Variants in PRDM11 observed in about 807,000 individuals in gnomAD.
The protein encoded by PRDM11 is PR domain-containing protein 11.
PRDM11 carries 20 observed loss-of-function variants against 97.8 expected under a neutral mutation model. The observed-to-expected ratio is 0.20, with a 90% CI of 0.14 to 0.30. The LOEUF is 0.30. Among genes scored for constraint, PRDM11 ranks in the 10% least tolerant of loss-of-function variants. The probability of loss-of-function intolerance (pLI) is 1.00; values close to 1 mark genes in which losing one functional copy is unlikely to be tolerated. For missense variants in PRDM11, 1,139 were observed against 1,555.2 expected (o/e 0.73, Z 4.50); for synonymous variants, 599 against 637.7 (o/e 0.94, Z 0.91).
Position 45,174,916 on chromosome 11 carries a change from G to C in PRDM11, c.-6-6845G>C, listed in dbSNP as rs1156291060. Among the ~76,000 whole-genome samples the C allele has an allele frequency of 2.0e-5, 3 of 152,080 alleles. No homozygotes were observed. The East Asian group carries it at 5.8e-4, about 29-fold the overall frequency. ...TTATTTTGTACACCTGTGTAGTGTGGGAAATTAAAAGTGTTTTAATGGAAT... is the reference window on the plus strand; with the variant it reads ...TTATTTTGTACACCTGTGTAGTGTGCGAAATTAAAAGTGTTTTAATGGAAT... On this transcript the variant is annotated intron_variant, in intron 1 of 7. Transcript: ENST00000683152.
Position 45,224,841 on chromosome 11 carries a change from C to A in PRDM11, c.1367C>A (p.Ala456Glu). Residue 456 changes from alanine (A) to glutamate (E), a missense_variant and splice_region_variant, in exon 7 of 8, where the codon GCA (alanine) becomes GAA (glutamate). Physicochemically the swap from Ala to Glu is moderately radical, Grantham distance 107. Transcript: ENST00000683152. ...VLELPEFSDP[A>E]ASESMVSGPA... ...GAGCTCCCAGAGTTCTCGGACCCTG[C>A]AGGTAAGTTGGTTTGGATGAGATTA... 2 of 1,613,644 alleles carry A rather than the reference C, an allele frequency of 1.2e-6. No homozygotes were observed. Among genetic ancestry groups the A allele is most frequent in the Non-Finnish European group, 8.5e-7 (1 of 1,180,022 alleles).
chr11:45,113,666 C>T (rs1189725976), intron 1 of PRDM11, among the ~76,000 whole-genome samples: 5 of 151,930 alleles, frequency 3.3e-5, no homozygotes, highest in African/African-American at 4.8e-5. Context: ...TCTTTCACCT[C>T]TTTGGTTAAG....
intron 1 of PRDM11, among the ~76,000 whole-genome samples, chr11:45,136,771 T>C (rs1276844504): frequency 1.3e-5 from 2 of 152,122 alleles, no homozygotes; most frequent in African/African-American, 2.4e-5. Flanking sequence ...CCATAGTCCT[T>C]TCCTAGAGCG....
chr11:45,157,000 C>T (rs1382607525), intron 1 of PRDM11, among the ~76,000 whole-genome samples: 1 of 151,716 alleles, frequency 6.6e-6, no homozygotes, highest in Non-Finnish European at 1.5e-5. Context: ...GAGGGCCAGG[C>T]CGGGAGGGCC....
intron 7 of PRDM11, chr11:45,225,196 AG>A: frequency 8.5e-7 from 1 of 1,176,400 alleles, no homozygotes; most frequent in South Asian, 2.0e-5. Context: ...AGTCTCAAGC[AG>A]GGTGTCCCAC....
intron 1 of PRDM11, among the ~76,000 whole-genome samples, chr11:45,117,752 A>T (rs1852335775): frequency 6.6e-6 from 1 of 152,238 alleles, no homozygotes. Context: ...ATCTCAAAAA[A>T]AAAAAGTTAA....
chr11:45,167,774 C>T (rs1852101389), intron 1 of PRDM11, among the ~76,000 whole-genome samples: 1 of 146,794 alleles, frequency 6.8e-6, no homozygotes, highest in African/African-American at 2.7e-5. Flanking sequence ...CACACACACA[C>T]ACACACACAC....
At chr11:45,148,547 G>A (rs2092207381) in intron 1 of PRDM11, among the ~76,000 whole-genome samples, 1 of 152,130 alleles carries the variant, frequency 6.6e-6, no homozygotes, top group Non-Finnish European at 1.5e-5. Context: ...GCAGGGTCTC[G>A]TTTCCTTCCC....
In PRDM11 at chr11:45,107,830, A is replaced by ATTT. The variant is rs113892533; in HGVS notation, c.96+11942_96+11944dup. On this transcript the variant is annotated intron_variant, in intron 1 of 6. Coordinates refer to the PRDM11 transcript ENST00000530656. Reference sequence around the variant, plus strand: ...TAAGTGCTCAATAAATGTGGGTTGGATTTTTTTTTTTTTTTGTGAGACAGA... The same window carrying ATTT: ...TAAGTGCTCAATAAATGTGGGTTGGATTTTTTTTTTTTTTTTTTGTGAGACAGA... Among the ~76,000 whole-genome samples, 67 of 143,280 alleles carry ATTT rather than the reference A, an allele frequency of 4.7e-4. 1 individual carries two copies. The highest frequency in any genetic ancestry group is 1.5e-3 in the African/African-American group (59 of 39,032). The allele number at this position is 143,280 out of a possible 152,430, so 94.0% of individuals were successfully genotyped here. A position where few individuals can be genotyped will look rare whatever the true frequency, so the allele number is the denominator to read the frequency against.
chr11:45,209,496 C>T (rs933949709), intron 5 of PRDM11, among the ~76,000 whole-genome samples: 6 of 152,340 alleles, frequency 3.9e-5, no homozygotes, highest in South Asian at 2.1e-4. Flanking sequence ...TGAGCATCTC[C>T]GTGCCAGAGC....
intron 1 of PRDM11, among the ~76,000 whole-genome samples, chr11:45,156,004 C>T (rs556876175): frequency 1.3e-5 from 2 of 152,306 alleles, no homozygotes; most frequent in Admixed American, 1.3e-4. Context: ...TAAGGTCACA[C>T]AGCTATGAAA....
chr11:45,172,649 G>A (rs1010923257), intron 1 of PRDM11, among the ~76,000 whole-genome samples: 2 of 152,122 alleles, frequency 1.3e-5, no homozygotes, highest in Non-Finnish European at 2.9e-5. Flanking sequence ...TTCTCCTTGT[G>A]ATTATTCCCT....
At chr11:45,161,772 C>G (rs563267066) in intron 1 of PRDM11, among the ~76,000 whole-genome samples, 2 of 152,256 alleles carry the variant, frequency 1.3e-5, no homozygotes, top group African/African-American at 2.4e-5. Flanking sequence ...CCTCACACCC[C>G]CCTTTCAGGC....
chr11:45,123,172 C>T (rs1852480920), intron 1 of PRDM11, among the ~76,000 whole-genome samples: 1 of 152,128 alleles, frequency 6.6e-6, no homozygotes. Context: ...TATCCTCCCC[C>T]CACTTTTTGA....
intron 4 of PRDM11, among the ~76,000 whole-genome samples, chr11:45,187,191 C>T (rs1410224723): frequency 3.9e-5 from 6 of 152,222 alleles, no homozygotes; most frequent in African/African-American, 9.6e-5. Context: ...GCTTGGTGAT[C>T]GCAGTGCTGC....
chr11:45,120,475 G>GA (rs146128571), intron 1 of PRDM11, among the ~76,000 whole-genome samples: 2 of 151,782 alleles, frequency 1.3e-5, no homozygotes, highest in Admixed American at 1.3e-4. Flanking sequence ...GCTGCTAGAG[G>GA]AAAAAAGGAA....
At chr11:45,173,899 C>CAT (rs1428415679) in intron 1 of PRDM11, among the ~76,000 whole-genome samples, 1 of 152,100 alleles carries the variant, frequency 6.6e-6, no homozygotes, top group Non-Finnish European at 1.5e-5. Context: ...TGTTTATTAA[C>CAT]ATATATATAT....
intron 4 of PRDM11, among the ~76,000 whole-genome samples, chr11:45,192,089 G>A (rs890109448): frequency 2.6e-5 from 4 of 152,206 alleles, no homozygotes; most frequent in Middle Eastern, 3.4e-3. Flanking sequence ...TTGAGGGAGG[G>A]ATGGATGAGT....
chr11:45,181,556 A>G (rs562815625), intron 1 of PRDM11, among the ~76,000 whole-genome samples: 1 of 152,296 alleles, frequency 6.6e-6, no homozygotes, highest in Non-Finnish European at 1.5e-5. Context: ...AGTCGTCCCC[A>G]GGACCAGCCC....
Sources: allele counts gnomAD v4.1 joint callset (sites outside exome capture counted in the v4.1 genomes callset), GRCh38; gene constraint gnomAD v4.1.1; transcripts MANE v1.5; gene names NCBI Gene and HGNC (gene_info 2026-07-23, HGNC 2026-07-21).